Variants in EML1 observed in about 807,000 individuals in gnomAD.
The protein encoded by EML1 is EMAP like 1.
Under a neutral mutation model 110.4 loss-of-function variants are expected in EML1, and 27 were observed. The ratio of observed to expected loss-of-function variants is 0.24; its 90% CI spans 0.18 to 0.34. EML1 has a LOEUF of 0.34. Ranked by LOEUF, EML1 falls within the 10% of genes least tolerant of loss-of-function variation. EML1 has a pLI of 1.00. For missense variants in EML1, 741 were observed against 1,030.9 expected, an observed-to-expected ratio of 0.72 and a Z score of 3.85; for synonymous variants, 344 against 385.8, an observed-to-expected ratio of 0.89 and a Z score of 1.27.
chr14:99,924,551 C>T (rs377013030), intron 17 of EML1, among the ~76,000 whole-genome samples: 1 of 152,192 alleles, frequency 6.6e-6, no homozygotes, highest in South Asian at 2.1e-4. Flanking sequence ...TATGGTTTCT[C>T]TTTCAGAATA....
intron 16 of EML1, among the ~76,000 whole-genome samples, chr14:99,919,431 C>CACACAG (rs1424669064): frequency 4.5e-4 from 64 of 141,524 alleles, no homozygotes; most frequent in Non-Finnish European, 7.8e-4. Flanking sequence ...CACAGACACA[C>CACACAG]ACACACACAC....
At chr14:99,930,484 T>C (rs1256584511) in intron 17 of EML1, among the ~76,000 whole-genome samples, 1 of 152,202 alleles carries the variant, frequency 6.6e-6, no homozygotes, top group Admixed American at 6.5e-5. Context: ...CCATGGACCA[T>C]TGAATACCCA....
chr14:99,851,779 A>G (rs1340736051), intron 2 of EML1, among the ~76,000 whole-genome samples: 2 of 152,178 alleles, frequency 1.3e-5, no homozygotes, highest in Non-Finnish European at 2.9e-5. Context: ...ACACTCGATC[A>G]TATGCCACAT....
intron 1 of EML1, among the ~76,000 whole-genome samples, chr14:99,828,092 C>A (rs961499749): frequency 6.6e-6 from 1 of 152,158 alleles, no homozygotes; most frequent in Non-Finnish European, 1.5e-5. Context: ...TGTTACCCAA[C>A]AATATTTCAT....
At chr14:99,922,282 A>C (rs1359715308) in intron 17 of EML1, among the ~76,000 whole-genome samples, 2 of 151,862 alleles carry the variant, frequency 1.3e-5, no homozygotes, top group Non-Finnish European at 2.9e-5. Flanking sequence ...CACCTGGCTA[A>C]TTTTTGTATT....
chr14:99,782,425 C>A (rs186463028), intron 1 of EML1, among the ~76,000 whole-genome samples: 3 of 152,088 alleles, frequency 2.0e-5, no homozygotes, highest in African/African-American at 4.8e-5. Context: ...TGACCTGCGG[C>A]GTGTTTGCTC....
intron 13 of EML1, among the ~76,000 whole-genome samples, chr14:99,912,354 C>T (rs956587759): frequency 6.6e-6 from 1 of 152,088 alleles, no homozygotes; most frequent in Non-Finnish European, 1.5e-5. Context: ...ACTTGGCAGC[C>T]CTGCATTCCG....
At chr14:99,897,723 A>G (rs2059695194) in intron 7 of EML1, among the ~76,000 whole-genome samples, 1 of 152,222 alleles carries the variant, frequency 6.6e-6, no homozygotes, top group Admixed American at 6.5e-5. Flanking sequence ...ATTTTTTGAT[A>G]AACATAAAAA....
At chr14:99,780,849 G>A (rs1364414724) in intron 1 of EML1, among the ~76,000 whole-genome samples, 1 of 152,182 alleles carries the variant, frequency 6.6e-6, no homozygotes, top group Non-Finnish European at 1.5e-5. Flanking sequence ...TAGCCTAAGT[G>A]TGTAGTGGGC....
At chr14:99,879,505 G>A (rs2059350298) in intron 4 of EML1, among the ~76,000 whole-genome samples, 1 of 152,066 alleles carries the variant, frequency 6.6e-6, no homozygotes, top group African/African-American at 2.4e-5. Context: ...CAACCCACAG[G>A]CTATAAAACT....
intron 9 of EML1, 78 bp from the exon 10 acceptor site, chr14:99,907,560 A>G (rs2059872423): frequency 1.2e-5 from 15 of 1,278,504 alleles, no homozygotes; most frequent in Non-Finnish European, 1.7e-5. Context: ...TAAAAATGAA[A>G]TTTGATGTTT....
At chr14:99,772,459 C>T (rs1043287579), upstream of EML1, among the ~76,000 whole-genome samples, 2 of 152,212 alleles carry the variant, frequency 1.3e-5, no homozygotes, top group Admixed American at 6.5e-5. Flanking sequence ...ACGGTCACCT[C>T]GTGCCACCAC....
intron 13 of EML1, 80 bp downstream of exon 13, chr14:99,911,656 C>G: frequency 6.7e-7 from 1 of 1,483,414 alleles, no homozygotes; most frequent in South Asian, 1.3e-5. Context: ...AAATCTGTAT[C>G]TTACAGTTTT....
intron 1 of EML1, among the ~76,000 whole-genome samples, chr14:99,747,251 A>G (rs2057121664): frequency 6.6e-6 from 1 of 151,136 alleles, no homozygotes; most frequent in Non-Finnish European, 1.5e-5. Flanking sequence ...AAAAATCATG[A>G]GCTCCGAACT....
At chr14:99,846,422 A>G (rs188385855) in intron 1 of EML1, among the ~76,000 whole-genome samples, 1 of 151,708 alleles carries the variant, frequency 6.6e-6, no homozygotes, top group Admixed American at 6.6e-5. Flanking sequence ...AGCTGGGACT[A>G]CAGGTGTGTA....
chr14:99,903,234 G>T (rs376648458), intron 9 of EML1, among the ~76,000 whole-genome samples: 4 of 152,138 alleles, frequency 2.6e-5, no homozygotes, highest in African/African-American at 4.8e-5. Context: ...CAAAAAAGAT[G>T]ATTTCAATCT....
At chr14:99,817,323 A>G (rs2058185119) in intron 1 of EML1, among the ~76,000 whole-genome samples, 1 of 152,222 alleles carries the variant, frequency 6.6e-6, no homozygotes, top group Non-Finnish European at 1.5e-5. Context: ...GTGTGCAGCA[A>G]AAGTGCTTCA....
intron 4 of EML1, 111 bp from the exon 5 acceptor site, chr14:99,891,086 CTT>C: frequency 8.2e-7 from 1 of 1,226,000 alleles, no homozygotes; most frequent in East Asian, 2.3e-5. Flanking sequence ...ACGTGTATAA[CTT>C]ATGCAGCATT....
intron 1 of EML1, among the ~76,000 whole-genome samples, chr14:99,780,867 T>C (rs551827225): frequency 6.6e-6 from 1 of 152,164 alleles, no homozygotes; most frequent in Non-Finnish European, 1.5e-5. Context: ...GGCTGTACCA[T>C]CTGGGCTTAT....
Sources: gnomAD v4.1 joint callset for allele counts (sites outside exome capture counted in the v4.1 genomes callset) on GRCh38, gnomAD v4.1.1 for gene constraint, MANE v1.5 for transcripts, NCBI Gene and HGNC (gene_info 2026-07-23, HGNC 2026-07-21) for gene names.